CTIF: variants seen among roughly 807,000 people sequenced by gnomAD.
CTIF encodes CBP80/20-dependent translation initiation factor.
CTIF carries 21 observed loss-of-function variants against 66.0 expected under a neutral mutation model. The observed-to-expected ratio is 0.32, with a 90% confidence interval of 0.23 to 0.46. CTIF has a LOEUF of 0.46. Among genes scored for constraint, CTIF ranks in the 20% least tolerant of loss-of-function variants. The pLI is 1.00. For synonymous variants in CTIF, 345 were observed against 326.4 expected (o/e 1.06, Z -0.62); for missense variants, 739 against 812.7 (o/e 0.91, Z 1.10).
At position 48,761,539 on chromosome 18, in the gene CTIF, G is replaced by A; in HGVS notation, c.1221G>A (p.Glu407=). 1 of 1,614,222 alleles carries A rather than the reference G, an allele frequency of 6.2e-7. No individual in the cohort carries two copies. ...AGGCCCAGAACTCCACCAACTCCGA[G>A]GAGATGCTGGGCGAGATCGTGCGCA... is the stretch of plus-strand genomic sequence containing the variant. ...MEEAQNSTNS[E]EMLGEIVRTI... Residue 407 remains glutamate (E), a synonymous_variant, in exon 9 of 12, where the codon GAG becomes GAA. Coordinates refer to ENST00000256413, the MANE Select transcript of CTIF (RefSeq NM_014772.3). This position sits in a 1 kb window ranked among gnomAD's most constrained non-coding sequence, Gnocchi z 4.2.
chr18:48,801,265 G>T (rs2068043706), intron 9 of CTIF, among the ~76,000 whole-genome samples: 1 of 152,156 alleles, frequency 6.6e-6, no homozygotes, highest in Non-Finnish European at 1.5e-5. Flanking sequence ...TCACTTCCTG[G>T]TCTATAACCC....
At chr18:48,774,170 G>A (rs1405997557) in intron 9 of CTIF, among the ~76,000 whole-genome samples, 1 of 152,178 alleles carries the variant, frequency 6.6e-6, no homozygotes, top group African/African-American at 2.4e-5. Flanking sequence ...TCGGCATCAT[G>A]TGAGCAATTT....
At position 48,646,901 on chromosome 18, in the gene CTIF, CAAAAAAA is replaced by C. The variant is rs35904615; in HGVS notation, c.252+10234_252+10240del. Reference sequence around the variant, plus strand: ...ATTCTGGAAAACAGTTTGGCAGTTTCAAAAAAAAAAAAAAAAAAAAAAAACGAAACCT... The same window carrying C: ...ATTCTGGAAAACAGTTTGGCAGTTTCAAAAAAAAAAAAAAAAACGAAACCT... On this transcript the variant is annotated intron_variant, in intron 3 of 11. Transcript: ENST00000256413. 7.3e-4 allele frequency among the ~76,000 whole-genome samples: 57 copies of C among 77,980 alleles called. 1 individual carries two copies. In the East Asian group the frequency reaches 7.3e-3, roughly 10 times the overall value. The allele number at this position is 77,980 out of a possible 152,430, so 51.2% of individuals were successfully genotyped here. A position where few individuals can be genotyped will look rare whatever the true frequency, so the allele number is the denominator to read the frequency against.
chr18:48,733,620 G>A (rs1274797858), intron 7 of CTIF, among the ~76,000 whole-genome samples: 2 of 152,220 alleles, frequency 1.3e-5, no homozygotes, highest in Non-Finnish European at 2.9e-5. Flanking sequence ...AGACAGTGTG[G>A]GTGCTGAGCT....
chr18:48,561,570 A>G (rs1282165869), intron 1 of CTIF, among the ~76,000 whole-genome samples: 2 of 152,176 alleles, frequency 1.3e-5, no homozygotes, highest in Non-Finnish European at 2.9e-5. Context: ...GCAGAGATGG[A>G]TCAGGGGACA....
intron 2 of CTIF, among the ~76,000 whole-genome samples, chr18:48,622,942 G>T (rs1443807515): frequency 6.6e-6 from 1 of 152,262 alleles, no homozygotes; most frequent in Non-Finnish European, 1.5e-5. Context: ...ACCTGGAGGA[G>T]CCAAGGAAGC....
Position 48,817,200 on chromosome 18 carries a change from CG to C in CTIF, c.1372-19del. ...CCTCCCCAGCCCCGGGAGGCTGACG[CG>C]GTCTCTCATGCCTCCACAGAAGGAC... On this transcript the variant is annotated intron_variant, in intron 9 of 11. Coordinates refer to ENST00000256413, the MANE Select transcript of CTIF (RefSeq NM_014772.3). 1 of 1,608,770 alleles carries C rather than the reference CG, an allele frequency of 6.2e-7. No homozygotes were observed.
chr18:48,790,565 G>A (rs546637406), intron 9 of CTIF, among the ~76,000 whole-genome samples: 2 of 152,332 alleles, frequency 1.3e-5, no homozygotes, highest in Admixed American at 6.5e-5. Context: ...ACCAGGCCTG[G>A]AGACATTTCC....
At chr18:48,790,085 C>G (rs1358133677) in intron 9 of CTIF, among the ~76,000 whole-genome samples, 2 of 152,214 alleles carry the variant, frequency 1.3e-5, no homozygotes, top group African/African-American at 2.4e-5. Flanking sequence ...AGGCTGCCTA[C>G]TAGGTGTTGG....
intron 6 of CTIF, among the ~76,000 whole-genome samples, chr18:48,683,706 TTTTCA>T (rs1460105228): frequency 7.2e-5 from 11 of 152,174 alleles, no homozygotes; most frequent in African/African-American, 2.6e-4. Flanking sequence ...TCAAGGAGTG[TTTTCA>T]TTACTCCTGG....
At chr18:48,718,808 CA>C (rs892154480) in intron 7 of CTIF, among the ~76,000 whole-genome samples, 1 of 152,168 alleles carries the variant, frequency 6.6e-6, no homozygotes, top group African/African-American at 2.4e-5. Context: ...CAGACATGGT[CA>C]GGGGCCATTT....
chr18:48,733,555 C>T (rs1337918370), intron 7 of CTIF, among the ~76,000 whole-genome samples: 3 of 152,204 alleles, frequency 2.0e-5, no homozygotes, highest in African/African-American at 7.2e-5. Context: ...AACAGATTGT[C>T]GGGCAAGGGT....
intron 9 of CTIF, among the ~76,000 whole-genome samples, chr18:48,780,807 T>C (rs1352182704): frequency 6.6e-6 from 1 of 152,140 alleles, no homozygotes; most frequent in African/African-American, 2.4e-5. Flanking sequence ...ATGACCAGCA[T>C]TTATGGATCT....
At chr18:48,849,435 T>C (rs2069149609) in intron 10 of CTIF, among the ~76,000 whole-genome samples, 1 of 151,918 alleles carries the variant, frequency 6.6e-6, no homozygotes, top group African/African-American at 2.4e-5. Context: ...TGGACTCAAG[T>C]GATCCACCCA....
chr18:48,826,295 C>G (rs951381194), intron 10 of CTIF: 15 of 152,302 alleles, frequency 9.8e-5, no homozygotes, highest in African/African-American at 3.6e-4. Flanking sequence ...AAAATCGCAA[C>G]ACAGTCAGCC....
intron 7 of CTIF, 60 bp from the exon 8 acceptor site, chr18:48,757,859 A>G (rs2145861050): frequency 6.4e-7 from 1 of 1,555,430 alleles, no homozygotes. Context: ...GGCTGGGCAC[A>G]GGGACTCTGA....
chr18:48,692,316 A>C (rs2091938881), intron 6 of CTIF, among the ~76,000 whole-genome samples: 1 of 123,370 alleles, frequency 8.1e-6, no homozygotes, highest in Non-Finnish European at 1.5e-5. Context: ...CAAAAACAAA[A>C]ACAAAACAAA....
intron 9 of CTIF, among the ~76,000 whole-genome samples, chr18:48,794,830 A>G (rs529851042): frequency 6.6e-6 from 1 of 152,150 alleles, no homozygotes; most frequent in East Asian, 1.9e-4. Flanking sequence ...CTTTGTGTGT[A>G]TTGCATTCGA....
intron 1 of CTIF, among the ~76,000 whole-genome samples, chr18:48,598,115 A>G (rs57222704): frequency 0.064 from 9,719 of 152,256 alleles, 1,008 homozygotes; most frequent in African/African-American, 0.22. Context: ...CAGTGGGTAG[A>G]TGGCCTGGGT....
Sources: allele counts gnomAD v4.1 joint callset (sites outside exome capture counted in the v4.1 genomes callset), GRCh38; gene constraint gnomAD v4.1.1; non-coding constraint Gnocchi (gnomAD v3.1); transcripts MANE v1.5; gene names NCBI Gene and HGNC (gene_info 2026-07-23, HGNC 2026-07-21).